Variants in PIGU observed in about 807,000 individuals in gnomAD.
PIGU encodes GPI-anchor transamidase component PIGU.
Under a neutral mutation model 49.9 loss-of-function variants are expected in PIGU, and 24 were observed. The ratio of observed to expected loss-of-function variants is 0.48; its 90% CI spans 0.35 to 0.68. The LOEUF (loss-of-function observed/expected upper bound fraction) is 0.68, where lower values mean the gene tolerates loss of function less well. Ranked by LOEUF, PIGU falls within the 30% of genes least tolerant of loss-of-function variation. PIGU has a pLI of 0.01. For synonymous variants in PIGU, 220 were observed against 205.7 expected, an observed-to-expected ratio of 1.07 and a Z score of -0.59; for missense variants, 490 against 532.6, an observed-to-expected ratio of 0.92 and a Z score of 0.79.
chr20:34,623,888 T>C (rs572253787), intron 6 of PIGU, among the ~76,000 whole-genome samples: 1 of 152,258 alleles, frequency 6.6e-6, no homozygotes, highest in Non-Finnish European at 1.5e-5. Context: ...CCTTGAGTCC[T>C]CTATGACTCC....
chr20:34,609,752 G>A (rs1984746138), intron 7 of PIGU, among the ~76,000 whole-genome samples: 1 of 152,102 alleles, frequency 6.6e-6, no homozygotes, highest in Admixed American at 6.6e-5. Context: ...CAAGGCCCAG[G>A]TGATATAATT....
At chr20:34,581,439 C>T in intron 10 of PIGU, 109 bp downstream of exon 10, 1 of 1,419,856 alleles carries the variant, frequency 7.0e-7, no homozygotes, top group Non-Finnish European at 9.5e-7. Context: ...CCTCCTAGTG[C>T]TGCCAGCATA....
chr20:34,662,898 AAAG>A (rs1986971862), intron 1 of PIGU, among the ~76,000 whole-genome samples: 1 of 152,098 alleles, frequency 6.6e-6, no homozygotes, highest in African/African-American at 2.4e-5. Context: ...CAATTATTCA[AAAG>A]AAGTAGTTTT....
intron 1 of PIGU, 131 bp downstream of exon 1, chr20:34,676,825 A>T: frequency 1.4e-6 from 1 of 692,860 alleles, no homozygotes; most frequent in South Asian, 3.2e-5. Context: ...CGCCCTCTCC[A>T]AGAACCCCAC....
chr20:34,616,631 T>C (rs1451724099), intron 6 of PIGU, among the ~76,000 whole-genome samples: 2 of 152,172 alleles, frequency 1.3e-5, no homozygotes, highest in African/African-American at 4.8e-5. Flanking sequence ...AATGAAAGTA[T>C]ATTAATTTTG....
intron 7 of PIGU, among the ~76,000 whole-genome samples, chr20:34,590,631 CA>C (rs1983924772): frequency 6.6e-6 from 1 of 150,982 alleles, no homozygotes; most frequent in African/African-American, 2.4e-5. Context: ...CATAACATAA[CA>C]TAACACAACA....
chr20:34,568,228 G>A (rs1416283957), intron 11 of PIGU, among the ~76,000 whole-genome samples: 1 of 152,184 alleles, frequency 6.6e-6, no homozygotes, highest in African/African-American at 2.4e-5. Context: ...TTGTCCTGCT[G>A]TATGTAGCCT....
At chr20:34,674,813 GCCT>G (rs1987442892) in intron 1 of PIGU, among the ~76,000 whole-genome samples, 1 of 151,928 alleles carries the variant, frequency 6.6e-6, no homozygotes, top group Non-Finnish European at 1.5e-5. Context: ...GGTGGTACAT[GCCT>G]GTAGTCCCAG....
rs202011300 is a variant in PIGU at position 34,575,117 on chromosome 20, A to T, written c.1181T>A (p.Phe394Tyr). Reference protein sequence around the residue: ...SNFFYAITLTFNVGQILLISD... With the variant: ...SNFFYAITLTYNVGQILLISD... ...TGTCCCTCTTACCTGCCCAACGTTG[A>T]AGGTCAGTGTGATGGCATAAAAGAA... Residue 394 changes from phenylalanine (F) to tyrosine (Y), a missense_variant, in exon 11 of 12, where the codon TTC becomes TAC. Phe to Tyr is a conservative substitution (Grantham distance 22). Transcript: ENST00000217446. 39 of 1,613,924 alleles carry T rather than the reference A, an allele frequency of 2.4e-5. No individual in the cohort carries two copies. The highest frequency in any genetic ancestry group is 4.0e-5 in the African/African-American group (3 of 74,896).
At chr20:34,659,041 T>C (rs1986821547) in intron 1 of PIGU, among the ~76,000 whole-genome samples, 1 of 123,062 alleles carries the variant, frequency 8.1e-6, no homozygotes, top group Admixed American at 8.2e-5. Context: ...GAGGAGCCCC[T>C]CTGCCCGGCC....
intron 8 of PIGU, 151 bp downstream of exon 8, chr20:34,588,302 T>C: frequency 2.7e-6 from 2 of 750,374 alleles, no homozygotes; most frequent in South Asian, 5.4e-5. Flanking sequence ...GTGGGATTGC[T>C]GGATCAAATG....
intron 7 of PIGU, among the ~76,000 whole-genome samples, chr20:34,589,208 A>G (rs1331504269): frequency 6.6e-6 from 1 of 152,116 alleles, no homozygotes; most frequent in Non-Finnish European, 1.5e-5. Flanking sequence ...TGATAGTATT[A>G]GCCTCCTGGG....
At chr20:34,648,542 G>A (rs1986427246) in intron 2 of PIGU, among the ~76,000 whole-genome samples, 1 of 151,950 alleles carries the variant, frequency 6.6e-6, no homozygotes, top group African/African-American at 2.4e-5. Flanking sequence ...AAAATTTTTT[G>A]TTTTTGTTTT....
At chr20:34,600,242 A>G (rs1984364666) in intron 7 of PIGU, among the ~76,000 whole-genome samples, 1 of 152,136 alleles carries the variant, frequency 6.6e-6, no homozygotes, top group African/African-American at 2.4e-5. Flanking sequence ...CCCTGTCTCT[A>G]CTAAAAATAC....
At chr20:34,641,274 A>T (rs1199724545) in intron 4 of PIGU, among the ~76,000 whole-genome samples, 1 of 152,122 alleles carries the variant, frequency 6.6e-6, no homozygotes, top group Non-Finnish European at 1.5e-5. Context: ...ATCCCCAAAA[A>T]CTATGGTGGG....
At chr20:34,609,803 C>T (rs1197056540) in intron 7 of PIGU, among the ~76,000 whole-genome samples, 1 of 152,142 alleles carries the variant, frequency 6.6e-6, no homozygotes, top group Non-Finnish European at 1.5e-5. Context: ...AATTGTTGTT[C>T]CCATAATCCC....
intron 7 of PIGU, among the ~76,000 whole-genome samples, chr20:34,610,379 G>T (rs756565860): frequency 7.9e-5 from 12 of 152,094 alleles, no homozygotes; most frequent in Non-Finnish European, 1.5e-4. Context: ...AAATCAATGT[G>T]CAAAAATCAC....
intron 11 of PIGU, chr20:34,562,646 C>T (rs1001671466): frequency 2.7e-6 from 3 of 1,100,196 alleles, no homozygotes; most frequent in Admixed American, 2.3e-5. Flanking sequence ...TAAGGCTACA[C>T]CTGGAGCACT....
intron 3 of PIGU, 119 bp downstream of exon 3, chr20:34,645,156 C>A (rs1986293014): frequency 1.7e-6 from 2 of 1,162,066 alleles, no homozygotes; most frequent in Non-Finnish European, 1.1e-6. Flanking sequence ...GAGTCCAAGA[C>A]CAGCCTGGGC....
Sources: allele counts gnomAD v4.1 joint callset (sites outside exome capture counted in the v4.1 genomes callset), GRCh38; gene constraint gnomAD v4.1.1; transcripts MANE v1.5; gene names NCBI Gene and HGNC (gene_info 2026-07-23, HGNC 2026-07-21).